RPS6KA5: variants seen among roughly 807,000 people sequenced by gnomAD.
RPS6KA5 encodes the protein ribosomal protein S6 kinase alpha-5.
In RPS6KA5, 27 loss-of-function variants were observed where a neutral mutation model predicts 85.5. The ratio of observed to expected loss-of-function variants is 0.32; its 90% confidence interval spans 0.23 to 0.44. RPS6KA5 has a LOEUF of 0.44. Ranked by LOEUF, RPS6KA5 falls within the 20% of genes least tolerant of loss-of-function variation. RPS6KA5 has a pLI of 1.00. For synonymous variants in RPS6KA5, 334 were observed against 348.2 expected (o/e 0.96, Z 0.46); for missense variants, 811 against 980.9 (o/e 0.83, Z 2.31).
chr14:91,043,778 T>A (rs981136681), intron 1 of RPS6KA5, among the ~76,000 whole-genome samples: 11 of 152,210 alleles, frequency 7.2e-5, no homozygotes, highest in Non-Finnish European at 1.6e-4. Flanking sequence ...CTTCTGTGAC[T>A]TCTAAGGAGG....
chr14:90,983,269 T>G (rs913437817), intron 2 of RPS6KA5, among the ~76,000 whole-genome samples: 1 of 136,492 alleles, frequency 7.3e-6, no homozygotes, highest in Non-Finnish European at 1.5e-5. Flanking sequence ...AGAGCAGGAC[T>G]CCATCTCAAA....
chr14:91,056,065 T>TA (rs1307596629), intron 1 of RPS6KA5, among the ~76,000 whole-genome samples: 14 of 152,004 alleles, frequency 9.2e-5, no homozygotes, highest in Non-Finnish European at 4.4e-5. Context: ...CACTTAGGAT[T>TA]AAAAAAAAGA....
intron 4 of RPS6KA5, among the ~76,000 whole-genome samples, chr14:90,946,410 G>A (rs1202492083): frequency 2.0e-5 from 3 of 152,042 alleles, no homozygotes; most frequent in Admixed American, 6.5e-5. Flanking sequence ...TGGCAGGTCT[G>A]GTTTCTCCTC....
Position 90,866,953 on chromosome 14 carries a change from T to C in RPS6KA5, c.*5121A>G, listed in dbSNP as rs2032826684. On this transcript the variant is annotated 3_prime_UTR_variant, in exon 17 of 17. Transcript: ENST00000614987. ...CAGTATAGTACCTAAAATAAACTAT[T>C]AGGAATAACTGAATGCCTACCACAG... 1 of 152,196 alleles carries C rather than the reference T, an allele frequency of 6.6e-6. No individual in the cohort carries two copies. Among genetic ancestry groups the C allele is most frequent in the South Asian group, 2.1e-4 (1 of 4,832 alleles). 9.4% of individuals were successfully genotyped at this position (152,196 alleles called of 1,614,324 possible).
At chr14:90,902,243 G>A (rs1180166945) in intron 9 of RPS6KA5, among the ~76,000 whole-genome samples, 4 of 151,924 alleles carry the variant, frequency 2.6e-5, no homozygotes, top group Non-Finnish European at 4.4e-5. Context: ...CCAGCACTTT[G>A]GGAGGCCAAG....
At chr14:90,974,856 C>T (rs2039493346) in intron 3 of RPS6KA5, among the ~76,000 whole-genome samples, 1 of 152,150 alleles carries the variant, frequency 6.6e-6, no homozygotes, top group African/African-American at 2.4e-5. Context: ...ATTGTTTAAG[C>T]TATGAAATTT....
Position 90,970,923 on chromosome 14 carries a change from C to A in RPS6KA5, c.394+7383G>T, listed in dbSNP as rs182008040. On this transcript the variant is annotated intron_variant, in intron 3 of 16. Coordinates refer to ENST00000614987, the MANE Select transcript of RPS6KA5 (RefSeq NM_004755.4). ...AATGTTGTTGAATTAAAAAAAAAAA[C>A]CAGAAATGTGACTTAACAATAGATA... Among the ~76,000 whole-genome samples, 1,353 of 141,590 alleles carry A rather than the reference C, an allele frequency of 9.6e-3. 15 individuals are homozygous for A. Among genetic ancestry groups the A allele is most frequent in the Middle Eastern group, 0.014 (4 of 276 alleles). 92.9% of individuals were successfully genotyped at this position (141,590 alleles called of 152,430 possible).
chr14:90,920,423 A>G, intron 6 of RPS6KA5, 114 bp from the exon 7 acceptor site: 1 of 720,092 alleles, frequency 1.4e-6, no homozygotes, highest in Admixed American at 2.6e-5. Context: ...ATGATTTTGT[A>G]CACCTCCTTC....
intron 7 of RPS6KA5, among the ~76,000 whole-genome samples, chr14:90,907,669 C>T (rs1293838431): frequency 1.3e-5 from 2 of 152,144 alleles, no homozygotes; most frequent in Admixed American, 1.3e-4. Flanking sequence ...GCACTTAATT[C>T]TGGGAACCCA....
intron 7 of RPS6KA5, among the ~76,000 whole-genome samples, chr14:90,907,703 A>C (rs967861993): frequency 6.6e-6 from 1 of 152,190 alleles, no homozygotes; most frequent in Admixed American, 6.5e-5. Flanking sequence ...AAAACAAGGA[A>C]AGAAAGGAAA....
chr14:90,915,210 T>C (rs774199895), intron 7 of RPS6KA5, among the ~76,000 whole-genome samples: 7 of 152,220 alleles, frequency 4.6e-5, no homozygotes, highest in South Asian at 2.1e-4. Context: ...CAATCTTTTT[T>C]GTAAAGGGCT....
rs34807092 is a variant in RPS6KA5 at position 91,056,867 on chromosome 14, C to CTTTTTTT, written c.103+3458_103+3464dup. 5.5e-3 allele frequency among the ~76,000 whole-genome samples: 215 copies of CTTTTTTT among 38,894 alleles called. 33 individuals carry two copies. The highest frequency in any genetic ancestry group is 0.02 in the East Asian group (20 of 988). The allele number at this position is 38,894 out of a possible 152,430, so 25.5% of individuals were successfully genotyped here. On this transcript the variant is annotated intron_variant, in intron 1 of 16. Coordinates refer to ENST00000614987, the MANE Select transcript of RPS6KA5 (RefSeq NM_004755.4). ...ACTGTTATACTTAAGGCAGTATTATCTTTTTTTTTTTTTTTTTTTTTTTTT... is the reference window on the plus strand; with the variant it reads ...ACTGTTATACTTAAGGCAGTATTATCTTTTTTTTTTTTTTTTTTTTTTTTTTTTTTTT...
intron 2 of RPS6KA5, among the ~76,000 whole-genome samples, chr14:90,995,233 C>T (rs2040468822): frequency 6.6e-6 from 1 of 152,094 alleles, no homozygotes; most frequent in African/African-American, 2.4e-5. Context: ...CCCATGCTGG[C>T]CTCAGCCTCC....
At chr14:90,908,492 G>C (rs914068056) in intron 7 of RPS6KA5, among the ~76,000 whole-genome samples, 5 of 152,132 alleles carry the variant, frequency 3.3e-5, no homozygotes, top group Non-Finnish European at 7.4e-5. Context: ...AAGATATGTG[G>C]AAGGAATATC....
chr14:90,996,292 C>T (rs1300642089), intron 2 of RPS6KA5, among the ~76,000 whole-genome samples: 1 of 152,002 alleles, frequency 6.6e-6, no homozygotes, highest in East Asian at 1.9e-4. Context: ...CCACCTCAGC[C>T]TCTCAAAGTG....
chr14:90,992,016 A>C (rs781322498), intron 2 of RPS6KA5, among the ~76,000 whole-genome samples: 9 of 152,166 alleles, frequency 5.9e-5, no homozygotes, highest in Non-Finnish European at 1.0e-4. Context: ...AAGAGTTTTC[A>C]GTTTCATTTC....
At chr14:90,927,411 G>A (rs2036732149) in intron 5 of RPS6KA5, among the ~76,000 whole-genome samples, 1 of 151,988 alleles carries the variant, frequency 6.6e-6, no homozygotes, top group Admixed American at 6.6e-5. Context: ...TTAAAAGACA[G>A]AAACTCTCGA....
chr14:90,991,891 G>T (rs563159764), intron 2 of RPS6KA5, among the ~76,000 whole-genome samples: 15 of 152,102 alleles, frequency 9.9e-5, no homozygotes, highest in Middle Eastern at 3.4e-3. Flanking sequence ...ATGCATATTA[G>T]ATGTATTTAA....
chr14:90,874,543 G>C (rs1393329200), intron 15 of RPS6KA5, among the ~76,000 whole-genome samples: 1 of 152,178 alleles, frequency 6.6e-6, no homozygotes, highest in African/African-American at 2.4e-5. Flanking sequence ...TTAAATGCTA[G>C]GCTAAGGAGT....
Sources: allele counts gnomAD v4.1 joint callset (sites outside exome capture counted in the v4.1 genomes callset), GRCh38; gene constraint gnomAD v4.1.1; transcripts MANE v1.5; gene names NCBI Gene and HGNC (gene_info 2026-07-23, HGNC 2026-07-21).